CUX2: variants seen among roughly 807,000 people sequenced by gnomAD.
CUX2 encodes the protein cut like homeobox 2.
A neutral mutation model predicts 144.8 loss-of-function variants in CUX2; 40 were observed. The observed-to-expected ratio is 0.28, with a 90% CI of 0.21 to 0.36. CUX2 has a LOEUF of 0.36. Among genes scored for constraint, CUX2 ranks in the 10% least tolerant of loss-of-function variants. The pLI, the probability that CUX2 is intolerant of heterozygous loss-of-function variation, is 1.00. For synonymous variants in CUX2, 827 were observed against 875.6 expected (o/e 0.94, Z 0.98); for missense variants, 1,615 against 1,994.0 (o/e 0.81, Z 3.62).
At position 111,304,881 on chromosome 12, in the gene CUX2, C is replaced by T. The variant is rs1886496727; in HGVS notation, c.858+567C>T. 6.6e-6 allele frequency among the ~76,000 whole-genome samples: 1 copy of T among 152,202 alleles called. No individual in the cohort carries two copies. Among genetic ancestry groups the T allele is most frequent in the Non-Finnish European group, 1.5e-5 (1 of 68,032 alleles). On this transcript the variant is annotated intron_variant, in intron 10 of 21. Coordinates refer to ENST00000261726, the MANE Select transcript of CUX2 (RefSeq NM_015267.4). The surrounding 1 kb of genome is among the most constrained non-coding windows in gnomAD (Gnocchi z 4.7). ...TATCAACAGGCAGTCATCACCAGGA[C>T]TGCAGTGGGGCCACATACCAAGATA...
intron 3 of CUX2, among the ~76,000 whole-genome samples, chr12:111,237,980 A>G (rs2042106778): frequency 6.6e-6 from 1 of 152,176 alleles, no homozygotes; most frequent in Admixed American, 6.5e-5. Context: ...AGATGCCAGG[A>G]GCACCTTCCT....
At chr12:111,170,654 A>G (rs1179624573) in intron 1 of CUX2, among the ~76,000 whole-genome samples, 2 of 143,604 alleles carry the variant, frequency 1.4e-5, no homozygotes, top group Non-Finnish European at 3.0e-5. Context: ...CCTGAAACCC[A>G]GTTCTTCTGA....
chr12:111,296,015 G>C (rs1885966408), intron 7 of CUX2, among the ~76,000 whole-genome samples: 1 of 152,144 alleles, frequency 6.6e-6, no homozygotes, highest in South Asian at 2.1e-4. Flanking sequence ...TGTAACACAT[G>C]AATCTGTTCA....
intron 16 of CUX2, among the ~76,000 whole-genome samples, chr12:111,315,713 G>A (rs1043752265): frequency 6.6e-6 from 1 of 151,672 alleles, no homozygotes; most frequent in African/African-American, 2.4e-5. Context: ...AGCAAGACTC[G>A]GTCTCAAAAA....
At chr12:111,177,410 T>C (rs1878922141) in intron 1 of CUX2, among the ~76,000 whole-genome samples, 1 of 152,018 alleles carries the variant, frequency 6.6e-6, no homozygotes, top group African/African-American at 2.4e-5. Context: ...GATTTTTTTT[T>C]AGCGGAGTCT....
chr12:111,328,114 C>T (rs1887903628), intron 18 of CUX2, among the ~76,000 whole-genome samples: 1 of 152,132 alleles, frequency 6.6e-6, no homozygotes, highest in South Asian at 2.1e-4. Context: ...ACTGTAGCTG[C>T]TGGCCCTAGG....
intron 1 of CUX2, among the ~76,000 whole-genome samples, chr12:111,187,684 A>C (rs935766967): frequency 2.0e-5 from 3 of 152,000 alleles, no homozygotes; most frequent in Admixed American, 2.0e-4. Flanking sequence ...CTGAGGTGCC[A>C]CTCAGTCTCC....
intron 4 of CUX2, among the ~76,000 whole-genome samples, chr12:111,266,653 G>A (rs960792109): frequency 3.9e-5 from 6 of 152,166 alleles, no homozygotes; most frequent in African/African-American, 1.4e-4. Context: ...AAGGAGTACA[G>A]CCCTGCCAGT....
At chr12:111,162,747 A>G (rs1175641042) in intron 1 of CUX2, among the ~76,000 whole-genome samples, 4 of 152,208 alleles carry the variant, frequency 2.6e-5, no homozygotes, top group African/African-American at 9.6e-5. Flanking sequence ...GACGAAGAGC[A>G]TAGAATTTGG....
At chr12:111,316,944 A>C (rs1047770312) in intron 16 of CUX2, among the ~76,000 whole-genome samples, 13 of 152,054 alleles carry the variant, frequency 8.5e-5, no homozygotes, top group Admixed American at 6.6e-5. Flanking sequence ...CTGTGGATTG[A>C]CCTGTTCTGC....
At position 111,324,340 on chromosome 12, in the gene CUX2, G is replaced by A. The variant is rs1294766755; in HGVS notation, c.2926+1760G>A. ...CGCTCCAGCCTGGGCAACAGTGTGA[G>A]ACTCTGTCTCAAAAAAAAAAAAAAA... On this transcript the variant is annotated intron_variant, in intron 18 of 21. Coordinates refer to ENST00000261726, the MANE Select transcript of CUX2 (RefSeq NM_015267.4). 2.1e-5 allele frequency among the ~76,000 whole-genome samples: 3 copies of A among 140,176 alleles called. No individual in the cohort carries two copies. In the Admixed American group the frequency reaches 2.1e-4, roughly 10 times the overall value. 92.0% of individuals were successfully genotyped at this position (140,176 alleles called of 152,430 possible).
At chr12:111,110,444 G>T (rs1358857842) in intron 1 of CUX2, among the ~76,000 whole-genome samples, 1 of 152,122 alleles carries the variant, frequency 6.6e-6, no homozygotes, top group African/African-American at 2.4e-5. Flanking sequence ...CCCTTCGCCA[G>T]AGTGACTCAA....
At chr12:111,138,391 T>G (rs1592931385) in intron 1 of CUX2, among the ~76,000 whole-genome samples, 1 of 148,934 alleles carries the variant, frequency 6.7e-6, no homozygotes, top group African/African-American at 2.5e-5. Flanking sequence ...GGGGTAGGGG[T>G]GGAGGAGAGG....
chr12:111,334,322 C>A, intron 18 of CUX2, 119 bp from the exon 19 acceptor site: 1 of 1,082,606 alleles, frequency 9.2e-7, no homozygotes, highest in Non-Finnish European at 1.3e-6. Context: ...GCGATTATTA[C>A]TACAGTGGTT....
chr12:111,347,854 G>A lies in CUX2; in HGVS notation c.3990G>A (p.Glu1330=). The A allele has an allele frequency of 6.2e-7, 1 of 1,614,150 alleles. No individual in the cohort carries two copies. The highest frequency in any genetic ancestry group is 8.5e-7 in the Non-Finnish European group (1 of 1,180,038). The change falls in exon 22 of 22, where the codon GAG becomes GAA. Residue 1330 remains glutamate (E), a synonymous_variant. Coordinates refer to ENST00000261726, the MANE Select transcript of CUX2 (RefSeq NM_015267.4). ...ACAAAGGCCAAGGTCCCCCCAAAGAGGAGCATCCCGACCCTCCGGGTAATG... is the reference window on the plus strand; with the variant it reads ...ACAAAGGCCAAGGTCCCCCCAAAGAAGAGCATCCCGACCCTCCGGGTAATG... ...ELDKGQGPPK[E]EHPDPPGNDG... is the part of the protein sequence containing the mutation.
At chr12:111,340,497 C>G (rs1888531300) in intron 20 of CUX2, among the ~76,000 whole-genome samples, 1 of 152,108 alleles carries the variant, frequency 6.6e-6, no homozygotes, top group South Asian at 2.1e-4. Flanking sequence ...TTGCTTGAGG[C>G]CAAGAGTTTG....
chr12:111,110,116 C>T (rs1461009065), intron 1 of CUX2, among the ~76,000 whole-genome samples: 3 of 151,538 alleles, frequency 2.0e-5, no homozygotes, highest in East Asian at 3.9e-4. Flanking sequence ...CTCCTAGGCT[C>T]AAGCAATCCT....
intron 1 of CUX2, among the ~76,000 whole-genome samples, chr12:111,203,719 G>A (rs947768736): frequency 2.0e-5 from 3 of 152,084 alleles, no homozygotes; most frequent in Non-Finnish European, 4.4e-5. Context: ...CAGGATATGA[G>A]TTGGGTTTAA....
At chr12:111,261,698 C>T (rs1265625563) in intron 3 of CUX2, among the ~76,000 whole-genome samples, 4 of 151,974 alleles carry the variant, frequency 2.6e-5, no homozygotes, top group East Asian at 1.9e-4. Flanking sequence ...GTGAGGAGTT[C>T]GAGACCAGCC....
Sources: allele counts gnomAD v4.1 joint callset (sites outside exome capture counted in the v4.1 genomes callset), GRCh38; gene constraint gnomAD v4.1.1; non-coding constraint Gnocchi (gnomAD v3.1); transcripts MANE v1.5; gene names NCBI Gene and HGNC (gene_info 2026-07-23, HGNC 2026-07-21).